Variants in ROBO1 observed in about 807,000 individuals in gnomAD.
The protein encoded by ROBO1 is roundabout guidance receptor 1.
ROBO1 carries 149 observed loss-of-function variants against 195.9 expected under a neutral mutation model. The observed-to-expected ratio is 0.76, with a 90% CI of 0.67 to 0.87. ROBO1 has a LOEUF of 0.87. ROBO1 is among the 40% of genes least tolerant of loss of function. The pLI, the probability that ROBO1 is intolerant of heterozygous loss-of-function variation, is 0.00. For synonymous variants in ROBO1, 816 were observed against 733.2 expected, an observed-to-expected ratio of 1.11 and a Z score of -1.82; for missense variants, 1,933 against 2,068.3, an observed-to-expected ratio of 0.93 and a Z score of 1.27.
At chr3:78,602,289 ACTCT>A (rs375616904) in intron 29 of ROBO1, among the ~76,000 whole-genome samples, 1 of 148,918 alleles carries the variant, frequency 6.7e-6, no homozygotes, top group South Asian at 2.1e-4. Flanking sequence ...CCTCCATCCC[ACTCT>A]CTCTCTCTCT....
intron 3 of ROBO1, among the ~76,000 whole-genome samples, chr3:79,086,372 C>A (rs904312522): frequency 6.6e-6 from 1 of 151,994 alleles, no homozygotes; most frequent in African/African-American, 2.4e-5. Flanking sequence ...GTTTAACACA[C>A]TGGCATAATG....
chr3:78,662,237 T>G, intron 14 of ROBO1, 123 bp from the exon 15 acceptor site: 3 of 738,924 alleles, frequency 4.1e-6, no homozygotes, highest in Non-Finnish European at 5.8e-6. Context: ...AGCCAGGCTG[T>G]GATTCGGAAA....
At chr3:78,644,163 G>C (rs747298101) in intron 21 of ROBO1, among the ~76,000 whole-genome samples, 2 of 151,964 alleles carry the variant, frequency 1.3e-5, no homozygotes, top group Non-Finnish European at 2.9e-5. Context: ...ACACACATCC[G>C]TAAGTGGCTA....
intron 4 of ROBO1, among the ~76,000 whole-genome samples, chr3:78,829,080 T>C (rs1030294641): frequency 5.3e-5 from 8 of 152,158 alleles, no homozygotes; most frequent in African/African-American, 1.9e-4. Flanking sequence ...GGAAAGACAC[T>C]AAGAAAGATC....
chr3:78,757,553 G>T (rs2108345331), intron 4 of ROBO1, among the ~76,000 whole-genome samples: 2 of 152,210 alleles, frequency 1.3e-5, no homozygotes, highest in Non-Finnish European at 2.9e-5. Flanking sequence ...CGGAGCAGGG[G>T]TGATAATGGT....
chr3:79,076,659 G>A (rs984073708), intron 3 of ROBO1, among the ~76,000 whole-genome samples: 2 of 151,690 alleles, frequency 1.3e-5, no homozygotes, highest in African/African-American at 2.4e-5. Flanking sequence ...TGTTACACTT[G>A]ATGGAAAAAT....
At chr3:78,622,311 T>C (rs1336172877) in intron 26 of ROBO1, among the ~76,000 whole-genome samples, 2 of 152,176 alleles carry the variant, frequency 1.3e-5, no homozygotes, top group African/African-American at 4.8e-5. Context: ...AGTTCAGTAA[T>C]TTTATTAATG....
chr3:79,013,656 C>T (rs953942112), intron 3 of ROBO1, among the ~76,000 whole-genome samples: 3 of 152,192 alleles, frequency 2.0e-5, no homozygotes, highest in African/African-American at 7.2e-5. Context: ...TTAGAGCCAG[C>T]TTGGTTCAAA....
At chr3:78,945,056 G>C (rs1006412404) in intron 3 of ROBO1, among the ~76,000 whole-genome samples, 1 of 152,314 alleles carries the variant, frequency 6.6e-6, no homozygotes, top group East Asian at 1.9e-4. Flanking sequence ...ACAGCTCAAG[G>C]AGGCCTGCCT....
chr3:78,617,761 C>G lies in ROBO1; in HGVS notation c.4156G>C (p.Gly1386Arg), dbSNP rs777460645. 6.2e-7 allele frequency: 1 copy of G among 1,613,922 alleles called. No individual in the cohort carries two copies. Among genetic ancestry groups the G allele is most frequent in the East Asian group, 2.2e-5 (1 of 44,832 alleles). ...TCCGAAGAACTAACACTGGAGCGTC[C>G]GCTGGAAATGTTGTCCTCCTCTGAG... ...SASEEDNISS[G>R]RSSVSSSDGS... Residue 1386 changes from glycine (G) to arginine (R), a missense_variant, in exon 27 of 31, where the codon GGA becomes CGA. Around this residue, in one of 3 missense-constraint regions of ROBO1, gnomAD observed 1,737 missense variants for 1,882.5 expected, o/e 0.92. Coordinates refer to ENST00000464233, the MANE Select transcript of ROBO1 (RefSeq NM_002941.4).
rs111709238 is a variant in ROBO1, at chr3:79,434,678, A to G, written c.88+155146T>C. Among the ~76,000 whole-genome samples the G allele has an allele frequency of 9.1e-3, 1,386 of 152,310 alleles. 8 individuals carry two copies. Among genetic ancestry groups the G allele is most frequent in the Non-Finnish European group, 0.015 (1,009 of 68,030 alleles). On this transcript the variant is annotated intron_variant, in intron 2 of 30. Coordinates refer to ENST00000464233, the MANE Select transcript of ROBO1 (RefSeq NM_002941.4). ...GGCGATTCCTCAAGGATCTAGATCTATTAATACCATTTGACCCAGCCATCC... is the reference window on the plus strand; with the variant it reads ...GGCGATTCCTCAAGGATCTAGATCTGTTAATACCATTTGACCCAGCCATCC...
chr3:79,162,646 A>G (rs2080990236), intron 2 of ROBO1, among the ~76,000 whole-genome samples: 1 of 152,146 alleles, frequency 6.6e-6, no homozygotes, highest in Non-Finnish European at 1.5e-5. Context: ...GAAAAAGTGA[A>G]AAGTTGGGCA....
chr3:79,529,583 A>G (rs1299068111), intron 2 of ROBO1, among the ~76,000 whole-genome samples: 2 of 152,248 alleles, frequency 1.3e-5, no homozygotes, highest in Non-Finnish European at 2.9e-5. Context: ...AAGCACTGCA[A>G]CACTGTGACA....
At chr3:78,610,015 T>A (rs1257333075) in intron 28 of ROBO1, among the ~76,000 whole-genome samples, 3 of 152,222 alleles carry the variant, frequency 2.0e-5, no homozygotes, top group African/African-American at 7.2e-5. Context: ...GCTGTTTTAC[T>A]TAGGAATGAT....
intron 2 of ROBO1, among the ~76,000 whole-genome samples, chr3:79,328,772 C>G (rs373899317): frequency 1.3e-5 from 2 of 151,982 alleles, no homozygotes; most frequent in East Asian, 3.9e-4. Context: ...ATCCCTCACC[C>G]TCTCCCACCT....
At chr3:78,950,584 G>C (rs2107771197) in intron 3 of ROBO1, among the ~76,000 whole-genome samples, 1 of 151,146 alleles carries the variant, frequency 6.6e-6, no homozygotes, top group Non-Finnish European at 1.5e-5. Flanking sequence ...AATGGGTGCA[G>C]CACACCAACA....
chr3:78,895,661 A>G (rs1051799813), intron 4 of ROBO1, among the ~76,000 whole-genome samples: 1 of 152,242 alleles, frequency 6.6e-6, no homozygotes, highest in African/African-American at 2.4e-5. Flanking sequence ...CTTTGGCAAG[A>G]TTTGGCATTG....
rs77422719 is a variant in ROBO1 at position 79,432,591 on chromosome 3, G to A, written c.88+157233C>T. ...ACATTTTGAATGGCTTAATTCTTTC[G>A]CACAGAATTATCTAATGCTTACTAA... is the stretch of plus-strand genomic sequence containing the variant. On this transcript the variant is annotated intron_variant, in intron 2 of 30. Coordinates refer to ENST00000464233, the MANE Select transcript of ROBO1 (RefSeq NM_002941.4). Among the ~76,000 whole-genome samples, 159 of 152,086 alleles carry A rather than the reference G, an allele frequency of 1.0e-3. 1 individual carries two copies. Among genetic ancestry groups the A allele is most frequent in the Non-Finnish European group, 2.0e-3 (135 of 67,984 alleles).
chr3:78,930,394 C>A (rs979024971), intron 4 of ROBO1, among the ~76,000 whole-genome samples: 1 of 152,166 alleles, frequency 6.6e-6, no homozygotes, highest in Non-Finnish European at 1.5e-5. Context: ...AAACCCAGTA[C>A]ACTGGCCACA....
Sources: gnomAD v4.1 joint callset for allele counts (sites outside exome capture counted in the v4.1 genomes callset) on GRCh38, gnomAD v4.1.1 for gene constraint, gnomAD v4.1.1 regional missense constraint, MANE v1.5 for transcripts, NCBI Gene and HGNC (gene_info 2026-07-23, HGNC 2026-07-21) for gene names.